Variants in NPFFR2 observed in about 807,000 individuals in gnomAD.
The protein encoded by NPFFR2 is neuropeptide FF receptor 2.
In NPFFR2, 15 loss-of-function variants were observed where a neutral mutation model predicts 13.1. The observed-to-expected ratio is 1.15, with a 90% CI of 0.77 to 1.76. NPFFR2 has a LOEUF of 1.76. NPFFR2 is among the 40% of genes most tolerant of loss of function. The pLI, the probability that NPFFR2 is intolerant of heterozygous loss-of-function variation, is 0.00. For synonymous variants in NPFFR2, 190 were observed against 175.7 expected (o/e 1.08, Z -0.65); for missense variants, 572 against 503.5 (o/e 1.14, Z -1.30).
intron 1 of NPFFR2, among the ~76,000 whole-genome samples, chr4:72,123,498 T>TA (rs1395982710): frequency 1.3e-5 from 2 of 152,162 alleles, no homozygotes; most frequent in African/African-American, 4.8e-5. Flanking sequence ...TGATGAACAT[T>TA]GATGCAAAAA....
chr4:72,138,338 T>G (rs1722484528), intron 3 of NPFFR2, among the ~76,000 whole-genome samples, 199 bp downstream of exon 3: 1 of 152,236 alleles, frequency 6.6e-6, no homozygotes. Context: ...TGTATACATG[T>G]GCCATGTTGG....
intron 1 of NPFFR2, among the ~76,000 whole-genome samples, chr4:72,085,386 T>G (rs1475678901): frequency 6.6e-6 from 1 of 152,130 alleles, no homozygotes; most frequent in African/African-American, 2.4e-5. Context: ...TGGATTCTTG[T>G]TTTTTATATG....
intron 1 of NPFFR2, among the ~76,000 whole-genome samples, chr4:72,046,269 C>A (rs1195728405): frequency 6.6e-6 from 1 of 151,990 alleles, no homozygotes; most frequent in Non-Finnish European, 1.5e-5. Flanking sequence ...ATTTAATTGC[C>A]AATATAATAT....
At chr4:72,071,120 A>G (rs1001630507) in intron 1 of NPFFR2, among the ~76,000 whole-genome samples, 4 of 152,208 alleles carry the variant, frequency 2.6e-5, no homozygotes, top group Admixed American at 6.5e-5. Flanking sequence ...AGAAAGTATG[A>G]TTCAATAGCT....
intron 1 of NPFFR2, among the ~76,000 whole-genome samples, chr4:72,037,403 GAAAAA>G (rs11309179): frequency 7.7e-6 from 1 of 130,182 alleles, no homozygotes. Context: ...GATCTTGTTT[GAAAAA>G]AAAAAAAAAA....
At chr4:72,144,821 G>T (rs918040102) in intron 3 of NPFFR2, among the ~76,000 whole-genome samples, 1 of 152,102 alleles carries the variant, frequency 6.6e-6, no homozygotes, top group African/African-American at 2.4e-5. Flanking sequence ...AACTTTGCTG[G>T]CACTCTCCAA....
chr4:72,065,810 G>A (rs1310229338), intron 1 of NPFFR2, among the ~76,000 whole-genome samples: 1 of 152,086 alleles, frequency 6.6e-6, no homozygotes, highest in African/African-American at 2.4e-5. Flanking sequence ...CTGGTCCTGT[G>A]GTTCTCCCTA....
chr4:72,059,360 GT>G (rs1194733951), intron 1 of NPFFR2, among the ~76,000 whole-genome samples: 1 of 152,048 alleles, frequency 6.6e-6, no homozygotes, highest in Non-Finnish European at 1.5e-5. Flanking sequence ...TTTTTGACTA[GT>G]TTGATAATTT....
intron 1 of NPFFR2, among the ~76,000 whole-genome samples, chr4:72,120,829 G>T (rs1028410160): frequency 6.6e-6 from 1 of 152,058 alleles, no homozygotes; most frequent in African/African-American, 2.4e-5. Context: ...CCAAAAACCA[G>T]AATGCCTTTT....
intron 1 of NPFFR2, among the ~76,000 whole-genome samples, chr4:72,073,540 T>C (rs1044908860): frequency 2.6e-5 from 4 of 152,074 alleles, no homozygotes; most frequent in Non-Finnish European, 5.9e-5. Context: ...TGTATGATTC[T>C]ACTTTTTGTT....
chr4:72,055,269 C>T (rs560837379), intron 1 of NPFFR2, among the ~76,000 whole-genome samples: 8 of 149,232 alleles, frequency 5.4e-5, no homozygotes, highest in East Asian at 2.0e-4. Context: ...AGGCTCACTT[C>T]GTGTCTTTGT....
rs536448382 is a variant in NPFFR2, at chr4:72,098,318, A to T, written c.-7-30267A>T. The stretch of plus-strand genomic sequence containing the variant: ...AAAGAGATAAAATGGTACACAAATA[A>T]CCGTGGAGCTGTATTAGTTGAGATA... On this transcript the variant is annotated intron_variant, in intron 1 of 3. Transcript: ENST00000308744. 1.0e-3 allele frequency among the ~76,000 whole-genome samples: 152 copies of T among 152,294 alleles called. 1 individual carries two copies. The highest frequency in any genetic ancestry group is 3.6e-3 in the African/African-American group (149 of 41,552).
At position 72,147,672 on chromosome 4, in the gene NPFFR2, A is replaced by T. The variant is rs190387826; in HGVS notation, c.1123A>T (p.Thr375Ser). 1.0e-4 allele frequency: 161 copies of T among 1,614,130 alleles called. 1 individual carries two copies. The African/African-American group carries it at 2.0e-3, about 20-fold the overall frequency. ...AGCTAAAAGCCATGTGCTCATAAAC[A>T]CATCTAATCAGCTTGTCCAGGAATC... ...LKAKSHVLIN[T>S]SNQLVQESTF... Residue 375 changes from threonine to serine, a missense_variant, in exon 4 of 4, where the codon ACA becomes TCA. By Grantham distance (58) the Thr-to-Ser change is moderately conservative. Coordinates refer to ENST00000308744, the MANE Select transcript of NPFFR2 (RefSeq NM_004885.3).
At chr4:72,035,978 G>A (rs1306337549) in intron 1 of NPFFR2, among the ~76,000 whole-genome samples, 1 of 151,978 alleles carries the variant, frequency 6.6e-6, no homozygotes, top group African/African-American at 2.4e-5. Flanking sequence ...GAACTCTGGA[G>A]GGTTTACCAA....
In NPFFR2 at chr4:72,128,922, A is replaced by C. The variant is rs767146218; in HGVS notation, c.328+3A>C. The C allele has an allele frequency of 2.1e-5, 34 of 1,595,198 alleles. No individual in the cohort carries two copies. The highest frequency in any genetic ancestry group is 3.3e-4 in the Middle Eastern group (2 of 6,020). ...ACTGCTGGACAATATTATAGCAGGT[A>C]TGTTGGCTTTTGTGCAGTTTGAAGA... On this transcript the variant is annotated splice_donor_region_variant and intron_variant, in intron 2 of 3. Transcript: ENST00000308744.
At chr4:72,049,030 A>C (rs1348299066) in intron 1 of NPFFR2, among the ~76,000 whole-genome samples, 1 of 152,086 alleles carries the variant, frequency 6.6e-6, no homozygotes, top group Non-Finnish European at 1.5e-5. Context: ...TCCAATAAAG[A>C]AAAGGAAGAA....
intron 1 of NPFFR2, among the ~76,000 whole-genome samples, chr4:72,057,021 A>G (rs1719769697): frequency 6.6e-6 from 1 of 152,024 alleles, no homozygotes; most frequent in Non-Finnish European, 1.5e-5. Context: ...TATATAAATG[A>G]CATGAGTAAA....
chr4:72,132,281 C>T (rs797008007), intron 2 of NPFFR2, among the ~76,000 whole-genome samples: 2 of 152,284 alleles, frequency 1.3e-5, no homozygotes, highest in African/African-American at 4.8e-5. Flanking sequence ...TAGTTTGCTG[C>T]AGATAATGGC....
chr4:72,089,365 G>A (rs1223600826), intron 1 of NPFFR2, among the ~76,000 whole-genome samples: 6 of 152,050 alleles, frequency 3.9e-5, no homozygotes, highest in African/African-American at 1.4e-4. Flanking sequence ...TGGATCAAAT[G>A]GTATATCTAC....
Sources: allele counts gnomAD v4.1 joint callset (sites outside exome capture counted in the v4.1 genomes callset), GRCh38; gene constraint gnomAD v4.1.1; transcripts MANE v1.5; gene names NCBI Gene and HGNC (gene_info 2026-07-23, HGNC 2026-07-21).